The following CLOCK variants were observed in gnomAD, a reference collection of about 807,000 sequenced individuals.
CLOCK encodes the protein circadian locomoter output cycles protein kaput.
A neutral mutation model predicts 118.4 loss-of-function variants in CLOCK; 43 were observed. That is an observed-to-expected ratio of 0.36 (90% CI 0.28 to 0.47). The LOEUF (loss-of-function observed/expected upper bound fraction) is 0.47, where lower values mean the gene tolerates loss of function less well. CLOCK is among the 20% of genes least tolerant of loss of function. CLOCK has a pLI of 1.00. For missense variants in CLOCK, 846 were observed against 999.9 expected, an observed-to-expected ratio of 0.85 and a Z score of 2.08; for synonymous variants, 326 against 339.2, an observed-to-expected ratio of 0.96 and a Z score of 0.43.
intron 1 of CLOCK, among the ~76,000 whole-genome samples, chr4:55,532,667 G>A (rs1448288351): frequency 4.6e-5 from 7 of 152,060 alleles, no homozygotes; most frequent in South Asian, 2.1e-4. Flanking sequence ...AGGAATTTGA[G>A]ACCTTATCTC....
chr4:55,452,866 T>C, intron 15 of CLOCK, 188 bp downstream of exon 15: 1 of 485,590 alleles, frequency 2.1e-6, no homozygotes, highest in South Asian at 2.8e-5. Context: ...TCTCATCCAA[T>C]TTTCTTTTTA....
At chr4:55,482,909 G>C (rs1231656708) in intron 3 of CLOCK, 81 bp from the exon 4 acceptor site, 1 of 638,798 alleles carries the variant, frequency 1.6e-6, no homozygotes, top group African/African-American at 1.9e-5. Flanking sequence ...AATACTATAT[G>C]TTATCACAGA....
intron 22 of CLOCK, 23 bp from the exon 23 acceptor site, chr4:55,435,617 A>C: frequency 6.2e-7 from 1 of 1,612,756 alleles, no homozygotes; most frequent in East Asian, 2.2e-5. Flanking sequence ...TGGATTATGC[A>C]GCATTGCTTT....
At chr4:55,467,108 A>T (rs1440148665) in intron 8 of CLOCK, among the ~76,000 whole-genome samples, 1 of 152,154 alleles carries the variant, frequency 6.6e-6, no homozygotes, top group Non-Finnish European at 1.5e-5. Context: ...AATTAAAAAT[A>T]TTTTTTAAAA....
At chr4:55,495,576 T>C (rs1343594476) in intron 2 of CLOCK, among the ~76,000 whole-genome samples, 1 of 152,102 alleles carries the variant, frequency 6.6e-6, no homozygotes, top group Non-Finnish European at 1.5e-5. Flanking sequence ...CTCCTTATTG[T>C]AGTCATTCAC....
intron 3 of CLOCK, among the ~76,000 whole-genome samples, chr4:55,487,316 C>T (rs371481226): frequency 2.6e-4 from 40 of 152,150 alleles, no homozygotes; most frequent in Admixed American, 5.9e-4. Flanking sequence ...TAAGGGTAAG[C>T]GCTAAAAAAA....
intron 2 of CLOCK, 58 bp from the exon 3 acceptor site, chr4:55,489,523 A>C (rs1355267933): frequency 6.6e-6 from 1 of 152,150 alleles, no homozygotes; most frequent in African/African-American, 2.4e-5. Flanking sequence ...TTTATCATTA[A>C]AAGGGTTTTA....
At chr4:55,476,110 G>T in intron 6 of CLOCK, 56 bp from the exon 7 acceptor site, 1 of 1,117,858 alleles carries the variant, frequency 8.9e-7, no homozygotes, top group Non-Finnish European at 1.4e-6. Flanking sequence ...GAGTACAAAA[G>T]CCCTACAAGT....
At chr4:55,522,800 TACAC>T (rs1162227262) in intron 1 of CLOCK, among the ~76,000 whole-genome samples, 3 of 152,134 alleles carry the variant, frequency 2.0e-5, no homozygotes, top group African/African-American at 7.2e-5. Flanking sequence ...CACACACAAA[TACAC>T]ACACTCATTT....
intron 9 of CLOCK, among the ~76,000 whole-genome samples, chr4:55,463,126 A>G (rs973334693): frequency 1.3e-5 from 2 of 152,186 alleles, no homozygotes; most frequent in South Asian, 2.1e-4. Context: ...TTCTACCATA[A>G]TATGTTGTGT....
intron 15 of CLOCK, 65 bp downstream of exon 15, chr4:55,452,989 T>C: frequency 1.8e-6 from 2 of 1,119,622 alleles, no homozygotes; most frequent in Non-Finnish European, 2.6e-6. Context: ...TCCTATTAAT[T>C]ATTGAGTTTC....
intron 17 of CLOCK, 129 bp downstream of exon 17, chr4:55,449,267 T>G (rs1423703459): frequency 1.3e-6 from 1 of 788,648 alleles, no homozygotes; most frequent in African/African-American, 1.7e-5. Flanking sequence ...CTTAAGTAAG[T>G]GTCACATATC....
chr4:55,520,742 C>T (rs1729802220), intron 1 of CLOCK, among the ~76,000 whole-genome samples: 1 of 152,180 alleles, frequency 6.6e-6, no homozygotes, highest in African/African-American at 2.4e-5. Context: ...TACTCCTTCA[C>T]AATTTTCCCA....
chr4:55,440,983 A>C (rs572200674), intron 21 of CLOCK, among the ~76,000 whole-genome samples: 6 of 142,236 alleles, frequency 4.2e-5, no homozygotes, highest in Admixed American at 6.9e-5. Flanking sequence ...AAACAAAACA[A>C]AACACAACAC....
At chr4:55,470,896 T>C (rs1726100100) in intron 7 of CLOCK, 90 bp from the exon 8 acceptor site, 8 of 891,218 alleles carry the variant, frequency 9.0e-6, no homozygotes, top group Non-Finnish European at 1.3e-5. Context: ...ACAAAGGATT[T>C]AATATGGAAA....
intron 22 of CLOCK, among the ~76,000 whole-genome samples, chr4:55,435,992 G>A (rs567108391): frequency 1.3e-5 from 2 of 152,246 alleles, no homozygotes; most frequent in South Asian, 2.1e-4. Flanking sequence ...ACACAGGTTC[G>A]CTCAGCTGGT....
intron 2 of CLOCK, among the ~76,000 whole-genome samples, 151 bp downstream of exon 2, chr4:55,509,761 G>A (rs912152675): frequency 1.3e-5 from 2 of 152,048 alleles, no homozygotes; most frequent in African/African-American, 2.4e-5. Context: ...CTCCTCATAA[G>A]AATGAAAATT....
intron 13 of CLOCK, among the ~76,000 whole-genome samples, chr4:55,455,291 A>G (rs372300339): frequency 3.5e-4 from 54 of 152,280 alleles, no homozygotes; most frequent in African/African-American, 1.2e-3. Context: ...TCTGCCACCA[A>G]TGAGCTATGA....
intron 2 of CLOCK, among the ~76,000 whole-genome samples, chr4:55,493,127 A>G (rs2109958919): frequency 6.6e-6 from 1 of 152,262 alleles, no homozygotes; most frequent in South Asian, 2.1e-4. Context: ...CTAGCTATAC[A>G]TGAGGAGGCA....
Sources: allele counts gnomAD v4.1 joint callset (sites outside exome capture counted in the v4.1 genomes callset), GRCh38; gene constraint gnomAD v4.1.1; transcripts MANE v1.5; gene names NCBI Gene and HGNC (gene_info 2026-07-23, HGNC 2026-07-21).